Variants in WWOX observed in about 807,000 individuals in gnomAD.
The protein encoded by WWOX is WW domain-containing oxidoreductase.
Under a neutral mutation model 46.2 loss-of-function variants are expected in WWOX, and 69 were observed. The ratio of observed to expected loss-of-function variants is 1.49; its 90% CI spans 1.23 to 1.82. The LOEUF is 1.82. WWOX is among the 40% of genes most tolerant of loss of function. The probability of loss-of-function intolerance (pLI) is 0.00; values close to 1 mark genes in which losing one functional copy is unlikely to be tolerated. For missense variants in WWOX, 919 were observed against 542.6 expected (o/e 1.69, Z -6.89); for synonymous variants, 359 against 202.6 (o/e 1.77, Z -6.56).
intron 5 of WWOX, among the ~76,000 whole-genome samples, chr16:78,342,489 A>G (rs76997308): frequency 0.23 from 27,015 of 119,178 alleles, 8,635 homozygotes; most frequent in African/African-American, 0.38. Flanking sequence ...TGTTGCTTCC[A>G]TCAACATTCC....
chr16:79,209,246 T>C (rs1447859824), intron 8 of WWOX, among the ~76,000 whole-genome samples: 2 of 152,156 alleles, frequency 1.3e-5, no homozygotes, highest in Non-Finnish European at 2.9e-5. Context: ...AAGGAAAAGG[T>C]AGGTCCCCAG....
chr16:78,568,694 C>T (rs1001172655), intron 8 of WWOX, among the ~76,000 whole-genome samples: 7 of 152,036 alleles, frequency 4.6e-5, no homozygotes, highest in East Asian at 1.9e-4. Context: ...AGGCTGGTGT[C>T]GATTTCCTGA....
At position 78,684,680 on chromosome 16, in the gene WWOX, G is replaced by C. The variant is rs548577547; in HGVS notation, c.1056+251928G>C. ...CCTCATGGATGGGGTTGGGGGACCT[G>C]TTATCTTCTTCCAGGTTAATCTTGG... On this transcript the variant is annotated intron_variant, in intron 8 of 8. Transcript: ENST00000566780. 7.9e-5 allele frequency among the ~76,000 whole-genome samples: 12 copies of C among 152,276 alleles called. No homozygotes were observed. In the South Asian group the frequency reaches 2.1e-3, roughly 26 times the overall value.
At chr16:78,372,864 C>T (rs1043062543) in intron 5 of WWOX, among the ~76,000 whole-genome samples, 1 of 152,176 alleles carries the variant, frequency 6.6e-6, no homozygotes, top group Non-Finnish European at 1.5e-5. Context: ...GCCTCTCTTT[C>T]AGCACAGTAG....
chr16:78,513,760 G>C (rs2085419719), intron 8 of WWOX, among the ~76,000 whole-genome samples: 1 of 152,112 alleles, frequency 6.6e-6, no homozygotes, highest in African/African-American at 2.4e-5. Flanking sequence ...TCTAAGAAGG[G>C]GAGCGAATAG....
chr16:78,272,900 C>T (rs998514399), intron 5 of WWOX, among the ~76,000 whole-genome samples: 5 of 152,126 alleles, frequency 3.3e-5, no homozygotes, highest in South Asian at 2.1e-4. Flanking sequence ...AAGACAACAT[C>T]CTTAACAGCA....
chr16:78,955,809 G>A (rs1161119529), intron 8 of WWOX, among the ~76,000 whole-genome samples: 1 of 149,408 alleles, frequency 6.7e-6, no homozygotes, highest in Non-Finnish European at 1.5e-5. Context: ...CACCACCTCT[G>A]GCTAATTTAT....
intron 5 of WWOX, among the ~76,000 whole-genome samples, chr16:78,266,725 C>T (rs2079369209): frequency 1.3e-5 from 2 of 151,702 alleles, no homozygotes; most frequent in Admixed American, 1.3e-4. Context: ...TAGCTAAACT[C>T]ATCGCTTCCA....
chr16:78,833,709 G>C (rs1439382199), intron 8 of WWOX, among the ~76,000 whole-genome samples: 2 of 152,216 alleles, frequency 1.3e-5, no homozygotes, highest in African/African-American at 4.8e-5. Context: ...ATTGAATGCT[G>C]TTACCTCAGC....
At chr16:79,074,267 T>C (rs77318199) in intron 8 of WWOX, among the ~76,000 whole-genome samples, 2,940 of 152,116 alleles carry the variant, frequency 0.019, 135 homozygotes, top group East Asian at 0.11. Flanking sequence ...CAGCCCCAAA[T>C]GTCAGGAACC....
At chr16:78,376,927 A>G (rs902217909) in intron 5 of WWOX, among the ~76,000 whole-genome samples, 11 of 152,214 alleles carry the variant, frequency 7.2e-5, no homozygotes, top group Admixed American at 6.5e-4. Context: ...TTGAACCAGA[A>G]CAGACAAATC....
chr16:78,810,777 G>A (rs2051167756), intron 8 of WWOX, among the ~76,000 whole-genome samples: 1 of 152,036 alleles, frequency 6.6e-6, no homozygotes, highest in Admixed American at 6.5e-5. Context: ...CTTTCTTTTT[G>A]GAGACAAATC....
intron 8 of WWOX, among the ~76,000 whole-genome samples, chr16:78,871,327 C>T (rs897850026): frequency 3.5e-4 from 53 of 152,226 alleles, no homozygotes; most frequent in African/African-American, 1.2e-3. Flanking sequence ...GTCACAGTGG[C>T]AGGAGAGGGA....
chr16:78,565,514 C>T (rs561821401), intron 8 of WWOX, among the ~76,000 whole-genome samples: 1 of 152,302 alleles, frequency 6.6e-6, no homozygotes, highest in South Asian at 2.1e-4. Flanking sequence ...CTCATCTGGC[C>T]CTCTGGCCAC....
chr16:78,509,854 G>A (rs1235102781), intron 8 of WWOX, among the ~76,000 whole-genome samples: 1 of 151,590 alleles, frequency 6.6e-6, no homozygotes, highest in Non-Finnish European at 1.5e-5. Flanking sequence ...TTGGGAGGCC[G>A]AGGCAGGAGG....
At chr16:78,610,306 C>T (rs184366019) in intron 8 of WWOX, among the ~76,000 whole-genome samples, 303 of 152,176 alleles carry the variant, frequency 2.0e-3, no homozygotes, top group African/African-American at 7.0e-3. Flanking sequence ...AATTTTTCCA[C>T]AAAACCTATC....
intron 8 of WWOX, among the ~76,000 whole-genome samples, 181 bp from the exon 9 acceptor site, chr16:79,211,427 G>T (rs1363106223): frequency 6.6e-6 from 1 of 152,150 alleles, no homozygotes; most frequent in East Asian, 1.9e-4. Flanking sequence ...GTTTTTCCAG[G>T]ATAGTCACAT....
At chr16:78,510,897 A>G (rs984916979) in intron 8 of WWOX, among the ~76,000 whole-genome samples, 2 of 152,216 alleles carry the variant, frequency 1.3e-5, no homozygotes, top group African/African-American at 4.8e-5. Flanking sequence ...GGTGCCTGGC[A>G]CAGAGTCGCA....
chr16:79,171,650 C>T (rs1251599346), intron 8 of WWOX, among the ~76,000 whole-genome samples: 1 of 152,190 alleles, frequency 6.6e-6, no homozygotes, highest in Non-Finnish European at 1.5e-5. Context: ...GAGACTGGTT[C>T]TTCACTGTGC....
Sources: gnomAD v4.1 joint callset for allele counts (sites outside exome capture counted in the v4.1 genomes callset) on GRCh38, gnomAD v4.1.1 for gene constraint, MANE v1.5 for transcripts, NCBI Gene and HGNC (gene_info 2026-07-23, HGNC 2026-07-21) for gene names.